BRPF3: variants seen among roughly 807,000 people sequenced by gnomAD.
BRPF3 encodes the protein bromodomain and PHD finger-containing protein 3.
BRPF3 carries 18 observed loss-of-function variants against 102.0 expected under a neutral mutation model. That is an observed-to-expected ratio of 0.18 (90% CI 0.12 to 0.26). The LOEUF (loss-of-function observed/expected upper bound fraction) is 0.26. BRPF3 is among the 10% of genes least tolerant of loss of function. The probability of loss-of-function intolerance (pLI) is 1.00; values close to 1 mark genes in which losing one functional copy is unlikely to be tolerated. For synonymous variants in BRPF3, 570 were observed against 614.2 expected (o/e 0.93, Z 1.06); for missense variants, 1,147 against 1,567.8 (o/e 0.73, Z 4.53).
chr6:36,200,607 C>T lies in BRPF3; in HGVS notation c.285C>T (p.Ser95=), dbSNP rs752994696. 1.5e-5 allele frequency: 24 copies of T among 1,614,068 alleles called. No homozygotes were observed. The highest frequency in any genetic ancestry group is 1.9e-5 in the Non-Finnish European group (22 of 1,180,030). Reference sequence around the variant, plus strand: ...CTGGCAAGTCCAAGAAACCCTCATCCAAGGGCAAAAAGAAGGAATCCTGCT... The same window carrying T: ...CTGGCAAGTCCAAGAAACCCTCATCTAAGGGCAAAAAGAAGGAATCCTGCT... ...QFPGKSKKPS[S]KGKKKESCSK... Residue 95 remains serine, a synonymous_variant, in exon 2 of 13, where the codon TCC becomes TCT. Coordinates refer to ENST00000357641, the MANE Select transcript of BRPF3 (RefSeq NM_015695.3). This position sits in a 1 kb window ranked among gnomAD's most constrained non-coding sequence, Gnocchi z 5.3.
chr6:36,209,858 C>A lies in BRPF3; in HGVS notation c.1809C>A (p.Asp603Glu). The change falls in exon 5 of 13, where the codon GAC (aspartate) becomes GAA (glutamate). Residue 603 changes from aspartate to glutamate, a missense_variant. Physicochemically the swap from Asp to Glu is conservative, Grantham distance 45. This residue lies in a region of BRPF3 where 44 missense variants were observed against 38.6 expected (regional missense o/e 1.14). Coordinates refer to ENST00000357641, the MANE Select transcript of BRPF3 (RefSeq NM_015695.3). ...ATGTTCTGTTGAGGACAACACTGGA[C>A]CTGCTGCAGGAGAAGGATCCTGCAC... Reference protein sequence around the residue: ...PFNVLLRTTLDLLQEKDPAHI... With the variant: ...PFNVLLRTTLELLQEKDPAHI... 6.2e-7 allele frequency: 1 copy of A among 1,614,186 alleles called. No homozygotes were observed. The highest frequency in any genetic ancestry group is 8.5e-7 in the Non-Finnish European group (1 of 1,180,034).
chr6:36,228,988 A>G lies in BRPF3; in HGVS notation c.3366A>G (p.Gly1122=). ...PVPPLDVLKL[G]EQKQAEAGEK... is the part of the protein sequence containing the mutation. ...CCCCGCTGGACGTGCTGAAGCTGGGAGAGCAGAAACAGGCAGAGGCTGGAG... is the reference window on the plus strand; with the variant it reads ...CCCCGCTGGACGTGCTGAAGCTGGGGGAGCAGAAACAGGCAGAGGCTGGAG... The change falls in exon 12 of 13, where the codon GGA becomes GGG. Residue 1122 remains glycine, a synonymous_variant. Transcript: ENST00000357641. 2 of 1,614,228 alleles carry G rather than the reference A, an allele frequency of 1.2e-6. No individual in the cohort carries two copies. Among genetic ancestry groups the G allele is most frequent in the Non-Finnish European group, 1.7e-6 (2 of 1,180,024 alleles).
intron 1 of BRPF3, among the ~76,000 whole-genome samples, chr6:36,199,681 A>T (rs533981495): frequency 6.6e-6 from 1 of 152,292 alleles, no homozygotes; most frequent in East Asian, 1.9e-4. Flanking sequence ...TGTGTTTTCC[A>T]TAGTTAGCTG....
Position 36,213,954 on chromosome 6 carries a change from C to G in BRPF3, c.2557C>G (p.Pro853Ala), listed in dbSNP as rs751751867. ...ACCTTCCTTGTCTGAGCAAGAATCCCCCCCGGAGCCCCCTACTCTGAAACC... is the reference window on the plus strand; with the variant it reads ...ACCTTCCTTGTCTGAGCAAGAATCCGCCCCGGAGCCCCCTACTCTGAAACC... ...PAPSLSEQES[P>A]PEPPTLKPIN... The change falls in exon 8 of 13, where the codon CCC becomes GCC. Residue 853 changes from proline (P) to alanine (A), a missense_variant. This residue lies in a region of BRPF3 where 379 missense variants were observed against 426.3 expected (regional missense o/e 0.89). Transcript: ENST00000357641. 1 of 1,614,058 alleles carries G rather than the reference C, an allele frequency of 6.2e-7. No homozygotes were observed. The highest frequency in any genetic ancestry group is 1.3e-5 in the African/African-American group (1 of 74,998).
In BRPF3 at chr6:36,219,416, C is replaced by T. The variant is rs535437891; in HGVS notation, c.3083+1406C>T. 1.7e-4 allele frequency among the ~76,000 whole-genome samples: 26 copies of T among 152,324 alleles called. 1 individual carries two copies. The South Asian group carries it at 4.6e-3, about 27-fold the overall frequency. ...CTGGGTTGAAGTTCCTGACTCCCTTCAAAGATAAGGTACCTGGAAGCCCAC... is the reference window on the plus strand; with the variant it reads ...CTGGGTTGAAGTTCCTGACTCCCTTTAAAGATAAGGTACCTGGAAGCCCAC... On this transcript the variant is annotated intron_variant, in intron 9 of 12. Coordinates refer to ENST00000357641, the MANE Select transcript of BRPF3 (RefSeq NM_015695.3).
intron 9 of BRPF3, among the ~76,000 whole-genome samples, chr6:36,221,093 T>TGCCCA (rs2127294342): frequency 6.6e-6 from 1 of 152,334 alleles, no homozygotes; most frequent in East Asian, 1.9e-4. Flanking sequence ...ATATCATTTT[T>TGCCCA]GCCCAGAAGC....
Position 36,226,996 on chromosome 6 carries a change from C to CA in BRPF3, c.3279+1639dup, listed in dbSNP as rs1327874702. Among the ~76,000 whole-genome samples, 12 of 152,148 alleles carry CA rather than the reference C, an allele frequency of 7.9e-5. 1 individual carries two copies. In the East Asian group the frequency reaches 1.7e-3, roughly 22 times the overall value. On this transcript the variant is annotated intron_variant, in intron 11 of 12. Transcript: ENST00000357641. ...CAAACAGACAGAATACCTCACAATG[C>CA]AAAAAAACTAGTCTAAAACTCGTCT... is the stretch of plus-strand genomic sequence containing the variant.
At chr6:36,203,295 C>T (rs1767783781) in intron 2 of BRPF3, among the ~76,000 whole-genome samples, 1 of 152,142 alleles carries the variant, frequency 6.6e-6, no homozygotes, top group African/African-American at 2.4e-5. Flanking sequence ...AATGAACCCA[C>T]CACATAGAGT....
chr6:36,217,403 A>T (rs951731186), intron 8 of BRPF3, among the ~76,000 whole-genome samples: 4 of 152,164 alleles, frequency 2.6e-5, no homozygotes, highest in Non-Finnish European at 5.9e-5. Flanking sequence ...AAGGGCCCTT[A>T]TCCATCTCTA....
At chr6:36,206,860 C>T (rs1435548200) in intron 3 of BRPF3, among the ~76,000 whole-genome samples, 2 of 152,158 alleles carry the variant, frequency 1.3e-5, no homozygotes, top group Non-Finnish European at 2.9e-5. Flanking sequence ...CTTCCCCTGA[C>T]TCCAACTGTA....
intron 9 of BRPF3, among the ~76,000 whole-genome samples, chr6:36,218,461 C>CTTT (rs547108095): frequency 2.2e-5 from 3 of 134,454 alleles, no homozygotes; most frequent in Admixed American, 1.5e-4. Context: ...TTGGAATTGC[C>CTTT]TTTTTTTTTT....
intron 9 of BRPF3, among the ~76,000 whole-genome samples, chr6:36,219,297 C>A (rs1340771851): frequency 6.6e-6 from 1 of 152,084 alleles, no homozygotes; most frequent in Admixed American, 6.5e-5. Context: ...CCTATTGCAG[C>A]CTCCAGAGAT....
rs373043389 is a variant in BRPF3, at chr6:36,218,270, A to T, written c.3083+260A>T. 6.6e-5 allele frequency among the ~76,000 whole-genome samples: 10 copies of T among 152,218 alleles called. No homozygotes were observed. The East Asian group carries it at 1.4e-3, about 21-fold the overall frequency. On this transcript the variant is annotated intron_variant, in intron 9 of 12. Coordinates refer to ENST00000357641, the MANE Select transcript of BRPF3 (RefSeq NM_015695.3). ...GGCTGAATTTGGACTCTAGAGGATA[A>T]GAAAAGCTAAATCTCCTGTTGTTCA... is the stretch of plus-strand genomic sequence containing the variant.
At chr6:36,225,140 G>A (rs1268797882) in intron 10 of BRPF3, 127 bp from the exon 11 acceptor site, 1 of 670,612 alleles carries the variant, frequency 1.5e-6, no homozygotes. Context: ...GAGGGAAAAG[G>A]AAGGGTGGAG....
intron 1 of BRPF3, among the ~76,000 whole-genome samples, chr6:36,199,115 C>T (rs1767605090): frequency 6.6e-6 from 1 of 152,164 alleles, no homozygotes; most frequent in African/African-American, 2.4e-5. Flanking sequence ...TCCCAACCCC[C>T]AGGCCGCAGA....
chr6:36,213,107 T>C (rs1299288808), intron 7 of BRPF3, among the ~76,000 whole-genome samples: 1 of 152,236 alleles, frequency 6.6e-6, no homozygotes, highest in Non-Finnish European at 1.5e-5. Flanking sequence ...ATAAAATCGA[T>C]TGACAGATGA....
chr6:36,226,080 A>G (rs1185209886), intron 11 of BRPF3, among the ~76,000 whole-genome samples: 1 of 152,208 alleles, frequency 6.6e-6, no homozygotes, highest in Non-Finnish European at 1.5e-5. Flanking sequence ...TATTTTAACC[A>G]TTCCCTAGTT....
intron 10 of BRPF3, among the ~76,000 whole-genome samples, 199 bp from the exon 11 acceptor site, chr6:36,225,068 A>G (rs111345243): frequency 7.9e-5 from 12 of 152,268 alleles, no homozygotes; most frequent in African/African-American, 2.9e-4. Flanking sequence ...AATATTTACT[A>G]TTTGGCCCTT....
intron 9 of BRPF3, among the ~76,000 whole-genome samples, chr6:36,221,564 C>T (rs551055411): frequency 6.6e-6 from 1 of 152,226 alleles, no homozygotes; most frequent in South Asian, 2.1e-4. Flanking sequence ...GGATTACAGG[C>T]GTGAGCCACC....
Sources: allele counts gnomAD v4.1 joint callset (sites outside exome capture counted in the v4.1 genomes callset), GRCh38; gene constraint gnomAD v4.1.1; regional missense constraint gnomAD v4.1.1; non-coding constraint Gnocchi (gnomAD v3.1); transcripts MANE v1.5; gene names NCBI Gene and HGNC (gene_info 2026-07-23, HGNC 2026-07-21).